PLEKHA6: variants seen among roughly 807,000 people sequenced by gnomAD.
PLEKHA6 encodes the protein pleckstrin homology domain-containing family A member 6.
Under a neutral mutation model 116.7 loss-of-function variants are expected in PLEKHA6, and 60 were observed. That is an observed-to-expected ratio of 0.51 (90% CI 0.42 to 0.64). The LOEUF is 0.64. PLEKHA6 is among the 30% of genes least tolerant of loss of function. The pLI, the probability that PLEKHA6 is intolerant of heterozygous loss-of-function variation, is 0.00. For missense variants in PLEKHA6, 1,338 were observed against 1,422.7 expected (o/e 0.94, Z 0.96); for synonymous variants, 489 against 556.1 (o/e 0.88, Z 1.70).
chr1:204,355,122 T>C lies in PLEKHA6; in HGVS notation c.-95+4572A>G, dbSNP rs956011580. ...TTGGAGGAACAGGGGCACTTAGTCT[T>C]GAACAAGGAGACTTGGGAGGGCTTG... On this transcript the variant is annotated intron_variant, in intron 1 of 22. Coordinates refer to ENST00000272203, the MANE Select transcript of PLEKHA6 (RefSeq NM_014935.5). Among the ~76,000 whole-genome samples the C allele has an allele frequency of 2.6e-5, 4 of 152,228 alleles. No individual in the cohort carries two copies. In the South Asian group the frequency reaches 8.3e-4, roughly 32 times the overall value.
At chr1:204,250,274 G>A (rs1259427216) in intron 10 of PLEKHA6, among the ~76,000 whole-genome samples, 2 of 152,246 alleles carry the variant, frequency 1.3e-5, no homozygotes, top group Non-Finnish European at 1.5e-5. Flanking sequence ...AAACGGCCCA[G>A]CGCTCAGTGG....
intron 6 of PLEKHA6, among the ~76,000 whole-genome samples, chr1:204,263,778 T>C (rs956878294): frequency 6.6e-6 from 1 of 152,038 alleles, no homozygotes; most frequent in Non-Finnish European, 1.5e-5. Flanking sequence ...ATAACAGGAC[T>C]ACTTGTTGTT....
At chr1:204,323,826 T>C (rs1323196088) in intron 1 of PLEKHA6, among the ~76,000 whole-genome samples, 1 of 152,192 alleles carries the variant, frequency 6.6e-6, no homozygotes, top group Non-Finnish European at 1.5e-5. Context: ...TTTGAGATGG[T>C]TGTTGTTATG....
At chr1:204,269,498 G>T (rs1667225878) in intron 3 of PLEKHA6, among the ~76,000 whole-genome samples, 1 of 147,024 alleles carries the variant, frequency 6.8e-6, no homozygotes, top group Non-Finnish European at 1.5e-5. Context: ...CAGAGCCACA[G>T]TCCCAATCCC....
Position 204,248,970 on chromosome 1 carries a change from C to T in PLEKHA6, c.1675G>A (p.Glu559Lys), listed in dbSNP as rs1185882235. Reference sequence around the variant, plus strand: ...CCCATCAAGGCACTTTCCAGGCTCTCCTGAAGAAAGGCAGGGGAATGACAT... The same window carrying T: ...CCCATCAAGGCACTTTCCAGGCTCTTCTGAAGAAAGGCAGGGGAATGACAT... ...RLVQQLRAEKESLESALMGTH... is the reference protein window; with the variant it reads ...RLVQQLRAEKKSLESALMGTH... The change falls in exon 12 of 23, where the codon GAG becomes AAG. Residue 559 changes from glutamate to lysine, a missense_variant and splice_region_variant. Physicochemically the swap from Glu to Lys is moderately conservative, Grantham distance 56 (BLOSUM62 1). This residue lies in a region of PLEKHA6 where 1,136 missense variants were observed against 1,163.6 expected (regional missense o/e 0.98). Coordinates refer to ENST00000272203, the MANE Select transcript of PLEKHA6 (RefSeq NM_014935.5). 6 of 1,613,684 alleles carry T rather than the reference C, an allele frequency of 3.7e-6. No individual in the cohort carries two copies. The highest frequency in any genetic ancestry group is 5.1e-6 in the Non-Finnish European group (6 of 1,179,872).
chr1:204,315,502 C>A (rs143078879), intron 1 of PLEKHA6, among the ~76,000 whole-genome samples: 3 of 152,336 alleles, frequency 2.0e-5, no homozygotes, highest in Non-Finnish European at 4.4e-5. Context: ...AAATCCAAAT[C>A]TCCCAGGGGA....
chr1:204,352,203 A>G (rs1234247874), intron 1 of PLEKHA6, among the ~76,000 whole-genome samples: 2 of 151,696 alleles, frequency 1.3e-5, no homozygotes. Flanking sequence ...GTGAAACCCC[A>G]TCTCTACTAA....
chr1:204,339,153 C>T (rs552793474), intron 1 of PLEKHA6, among the ~76,000 whole-genome samples: 32 of 152,336 alleles, frequency 2.1e-4, no homozygotes, highest in South Asian at 6.2e-4. Context: ...ACTTGTGGTG[C>T]TCAGGTTGAC....
At chr1:204,271,564 T>A (rs1667454995) in intron 3 of PLEKHA6, among the ~76,000 whole-genome samples, 1 of 152,200 alleles carries the variant, frequency 6.6e-6, no homozygotes, top group Non-Finnish European at 1.5e-5. Context: ...AGTCCAACAC[T>A]TTCATAATTC....
At position 204,355,146 on chromosome 1, in the gene PLEKHA6, T is replaced by C. The variant is rs1024934728; in HGVS notation, c.-95+4548A>G. Among the ~76,000 whole-genome samples, 8 of 152,332 alleles carry C rather than the reference T, an allele frequency of 5.3e-5. 1 individual carries two copies. In the Middle Eastern group the frequency reaches 0.017, roughly 324 times the overall value. On this transcript the variant is annotated intron_variant, in intron 1 of 22. Coordinates refer to ENST00000272203, the MANE Select transcript of PLEKHA6 (RefSeq NM_014935.5). ...TTGAACAAGGAGACTTGGGAGGGCT[T>C]GGAGGGAGAGAGACGATTATACCTG...
At chr1:204,340,913 G>A (rs1672823019) in intron 1 of PLEKHA6, among the ~76,000 whole-genome samples, 1 of 152,252 alleles carries the variant, frequency 6.6e-6, no homozygotes, top group Admixed American at 6.5e-5. Flanking sequence ...GCTAACTTCA[G>A]AGAAGTCAGA....
rs553402373 is a variant in PLEKHA6, at chr1:204,234,151, G to A, written c.2410-3565C>T. On this transcript the variant is annotated intron_variant, in intron 17 of 22. Transcript: ENST00000272203. ...GAGGATGGGCCCTAAATTAAATGAT[G>A]GGTATCCTTACATGGGGCAGGAAAG... Among the ~76,000 whole-genome samples the A allele has an allele frequency of 9.9e-5, 15 of 152,234 alleles. No individual in the cohort carries two copies. In the South Asian group the frequency reaches 2.9e-3, roughly 30 times the overall value.
At position 204,257,277 on chromosome 1, in the gene PLEKHA6, G is replaced by T; in HGVS notation, c.1524+76C>A. 1 of 1,383,438 alleles carries T rather than the reference G, an allele frequency of 7.2e-7. No individual in the cohort carries two copies. The highest frequency in any genetic ancestry group is 1.0e-6 in the Non-Finnish European group (1 of 999,890). The allele number at this position is 1,383,438 out of a possible 1,614,324, so 85.7% of individuals were successfully genotyped here. On this transcript the variant is annotated intron_variant, in intron 9 of 22. Transcript: ENST00000272203. This position sits in a 1 kb window ranked among gnomAD's most constrained non-coding sequence, Gnocchi z 6.5. The stretch of plus-strand genomic sequence containing the variant: ...GTGGCACAGATGCTCCCACATCTCT[G>T]CCTTTTCTCAGTAGATGGTCTTAGG...
In PLEKHA6 at chr1:204,247,433, C is replaced by T; in HGVS notation, c.1852G>A (p.Glu618Lys). The T allele has an allele frequency of 6.2e-7, 1 of 1,612,998 alleles. No individual in the cohort carries two copies. The highest frequency in any genetic ancestry group is 8.5e-7 in the Non-Finnish European group (1 of 1,179,220). The change falls in exon 13 of 23, where the codon GAG (glutamate) becomes AAG (lysine). Residue 618 changes from glutamate to lysine, a missense_variant. Physicochemically the swap from Glu to Lys is moderately conservative, Grantham distance 56 (BLOSUM62 1). This residue lies in a region of PLEKHA6 where 1,136 missense variants were observed against 1,163.6 expected (regional missense o/e 0.98). Transcript: ENST00000272203. Reference sequence around the variant, plus strand: ...GCAGAGACCTCAGACTCGAGGTGCTCATACTCTATGGTGCTGTTTGTCAGG... The same window carrying T: ...GCAGAGACCTCAGACTCGAGGTGCTTATACTCTATGGTGCTGTTTGTCAGG... ...TALTNSTIEY[E>K]HLESEVSALH...
rs944343444 is a variant in PLEKHA6 at position 204,261,769 on chromosome 1, G to A, written c.382-321C>T. On this transcript the variant is annotated intron_variant, in intron 6 of 22. Transcript: ENST00000272203. The surrounding 1 kb of genome is among the most constrained non-coding windows in gnomAD (Gnocchi z 4.0). ...GGACAATGATCACACCCATTCTCCC[G>A]GCAAATTCCATGTTTGATTTCAAAG... Among the ~76,000 whole-genome samples, 1 of 152,168 alleles carries A rather than the reference G, an allele frequency of 6.6e-6. No homozygotes were observed. Among genetic ancestry groups the A allele is most frequent in the African/African-American group, 2.4e-5 (1 of 41,432 alleles).
intron 1 of PLEKHA6, among the ~76,000 whole-genome samples, chr1:204,294,726 C>T (rs1335471693): frequency 6.6e-6 from 1 of 152,198 alleles, no homozygotes; most frequent in Non-Finnish European, 1.5e-5. Flanking sequence ...AGAAACTTAA[C>T]CTCTCTGTGC....
intron 21 of PLEKHA6, among the ~76,000 whole-genome samples, chr1:204,225,593 T>C (rs1660232509): frequency 1.3e-5 from 2 of 152,204 alleles, no homozygotes; most frequent in African/African-American, 2.4e-5. Flanking sequence ...TCATTTCCCA[T>C]ACTGCGGAAA....
At chr1:204,328,426 C>T (rs1389665458) in intron 1 of PLEKHA6, among the ~76,000 whole-genome samples, 1 of 148,886 alleles carries the variant, frequency 6.7e-6, no homozygotes, top group Admixed American at 6.8e-5. Flanking sequence ...GACAGAGTTT[C>T]GCTCTTGTTG....
intron 3 of PLEKHA6, among the ~76,000 whole-genome samples, chr1:204,270,203 C>T (rs1433640256): frequency 6.6e-6 from 1 of 152,196 alleles, no homozygotes; most frequent in Admixed American, 6.5e-5. Flanking sequence ...GTGGCCACTC[C>T]TTCTCAATCT....
Sources: gnomAD v4.1 joint callset for allele counts (sites outside exome capture counted in the v4.1 genomes callset) on GRCh38, gnomAD v4.1.1 for gene constraint, gnomAD v4.1.1 regional missense constraint, Gnocchi (gnomAD v3.1) non-coding constraint, MANE v1.5 for transcripts, NCBI Gene and HGNC (gene_info 2026-07-23, HGNC 2026-07-21) for gene names.